Variants in DMD observed in about 807,000 individuals in gnomAD.
DMD encodes the protein mutant dystrophin.
Under a neutral mutation model 330.1 loss-of-function variants are expected in DMD, and 63 were observed. The observed-to-expected ratio is 0.19, with a 90% CI of 0.16 to 0.24. The LOEUF (loss-of-function observed/expected upper bound fraction) is 0.24, where lower values mean the gene tolerates loss of function less well. Ranked by LOEUF, DMD falls within the 10% of genes least tolerant of loss-of-function variation. DMD has a pLI of 1.00. For synonymous variants in DMD, 1,223 were observed against 959.8 expected (o/e 1.27, Z -5.07); for missense variants, 3,344 against 2,684.1 (o/e 1.25, Z -5.43).
At chrX:32,731,075 A>T (rs2067556036) in intron 7 of DMD, among the ~76,000 whole-genome samples, 2 of 111,943 alleles carry the variant, frequency 1.8e-5, no homozygotes, top group Non-Finnish European at 3.8e-5. Flanking sequence ...GACCCGAAGC[A>T]GGGTGAGGCA....
At position 31,507,519 on chromosome X, in the gene DMD, G is replaced by C; in HGVS notation, c.8218-66C>G. 3 of 1,010,222 alleles carry C rather than the reference G, an allele frequency of 3.0e-6. No individual in the cohort carries two copies. In the African/African-American group the frequency reaches 5.6e-5, roughly 19 times the overall value. 83.3% of individuals were successfully genotyped at this position (1,010,222 alleles called of 1,213,427 possible). ...AACAAAAGAAACAAGCGATGAATGT[G>C]AATTTGGAGAATTGCAAAATATAAA... On this transcript the variant is annotated intron_variant, in intron 55 of 78. Coordinates refer to ENST00000357033, the MANE Select transcript of DMD (RefSeq NM_004006.3).
intron 1 of DMD, among the ~76,000 whole-genome samples, chrX:33,125,449 C>A (rs528679879): frequency 9.0e-6 from 1 of 111,544 alleles, no homozygotes; most frequent in East Asian, 2.8e-4. Flanking sequence ...GGCATGTTCA[C>A]CCCTAACTCT....
At chrX:33,178,681 G>A (rs773091180) in intron 1 of DMD, among the ~76,000 whole-genome samples, 3 of 112,313 alleles carry the variant, frequency 2.7e-5, no homozygotes, top group East Asian at 2.8e-4. Flanking sequence ...TAATGCAAAC[G>A]TGTGGAATAG....
intron 76 of DMD, among the ~76,000 whole-genome samples, chrX:31,145,030 A>C (rs1291038741): frequency 8.9e-6 from 1 of 112,282 alleles, no homozygotes; most frequent in African/African-American, 3.2e-5. Flanking sequence ...GAATGAGAAC[A>C]GAACATGTGG....
chrX:31,961,278 C>T (rs1293300445), intron 45 of DMD, among the ~76,000 whole-genome samples: 1 of 112,004 alleles, frequency 8.9e-6, no homozygotes, highest in East Asian at 2.8e-4. Context: ...AATGTGATAA[C>T]ATGATAAAAA....
rs1480574065 is a variant in DMD, at chrX:32,970,852, A to T, written c.93+49287T>A. Among the ~76,000 whole-genome samples, 2 of 94,534 alleles carry T rather than the reference A, an allele frequency of 2.1e-5. 1 individual carries two copies. The highest frequency in any genetic ancestry group is 4.0e-5 in the Non-Finnish European group (2 of 49,507). 82.1% of individuals were successfully genotyped at this position (94,534 alleles called of 115,157 possible). On this transcript the variant is annotated intron_variant, in intron 2 of 78. Transcript: ENST00000357033. Reference sequence around the variant, plus strand: ...TTCATTTAATCTATTTGTTCTAAACAATTGCTAAAATATTTTGGTTACATC... The same window carrying T: ...TTCATTTAATCTATTTGTTCTAAACTATTGCTAAAATATTTTGGTTACATC...
intron 44 of DMD, among the ~76,000 whole-genome samples, chrX:32,046,550 T>C (rs759223198): frequency 3.6e-5 from 4 of 111,922 alleles, no homozygotes; most frequent in Non-Finnish European, 5.6e-5. Context: ...CAGGGGAAAA[T>C]GCTGCTAAAT....
At chrX:32,260,915 G>A (rs1165045512) in intron 43 of DMD, among the ~76,000 whole-genome samples, 1 of 93,329 alleles carries the variant, frequency 1.1e-5, no homozygotes, top group Non-Finnish European at 2.5e-5. Flanking sequence ...GTTGCATAGA[G>A]ATACAAGTGA....
chrX:32,722,407 TA>T (rs952292281), intron 7 of DMD, among the ~76,000 whole-genome samples: 12 of 110,598 alleles, frequency 1.1e-4, no homozygotes, highest in Non-Finnish European at 1.7e-4. Flanking sequence ...TTAAAGTATA[TA>T]GGGGGGTGTG....
At chrX:32,617,575 A>G (rs931703582) in intron 11 of DMD, among the ~76,000 whole-genome samples, 1 of 111,382 alleles carries the variant, frequency 9.0e-6, no homozygotes, top group East Asian at 2.8e-4. Context: ...AAATGGATTA[A>G]AAACTTAAAT....
intron 71 of DMD, among the ~76,000 whole-genome samples, chrX:31,175,904 A>C (rs1370583487): frequency 9.0e-6 from 1 of 111,656 alleles, no homozygotes; most frequent in Admixed American, 9.5e-5. Flanking sequence ...TGTTAGCTTT[A>C]GTTTTAAAGT....
chrX:31,683,615 T>G (rs1439786431), intron 52 of DMD, among the ~76,000 whole-genome samples: 4 of 112,092 alleles, frequency 3.6e-5, no homozygotes, highest in Non-Finnish European at 7.5e-5. Flanking sequence ...GCACATAGAC[T>G]GAGCCCAACA....
chrX:33,124,982 C>T (rs1449086426), intron 1 of DMD, among the ~76,000 whole-genome samples: 1 of 97,005 alleles, frequency 1.0e-5, no homozygotes, highest in Non-Finnish European at 2.0e-5. Context: ...CTAAATCTCG[C>T]CATTGCACTC....
chrX:31,392,612 T>C (rs1366164008), intron 60 of DMD, among the ~76,000 whole-genome samples: 1 of 112,280 alleles, frequency 8.9e-6, no homozygotes, highest in Non-Finnish European at 1.9e-5. Context: ...ACTGTGTCTA[T>C]ATGTGTATGC....
At chrX:32,356,642 GGTTA>G (rs145839936) in intron 37 of DMD, among the ~76,000 whole-genome samples, 47,377 of 108,977 alleles carry the variant, frequency 0.43, 9,184 homozygotes, top group East Asian at 0.72. Flanking sequence ...ACTTTTTTCT[GGTTA>G]GTATCAATTT....
chrX:31,608,962 G>A (rs140668919), intron 55 of DMD, among the ~76,000 whole-genome samples: 144 of 111,919 alleles, frequency 1.3e-3, no homozygotes, highest in African/African-American at 4.2e-3. Context: ...TTTCTTTAAA[G>A]CAGATGATAT....
intron 1 of DMD, among the ~76,000 whole-genome samples, chrX:33,315,048 A>ACCTCAGGTGATCCACCCG (rs2053913966): frequency 9.0e-6 from 1 of 110,510 alleles, no homozygotes; most frequent in East Asian, 2.9e-4. Flanking sequence ...TGAACTCCTG[A>ACCTCAGGTGATCCACCCG]CCTCAGGTGA....
At chrX:31,721,388 C>T (rs73619003) in intron 52 of DMD, among the ~76,000 whole-genome samples, 19,219 of 109,337 alleles carry the variant, frequency 0.18, 1,338 homozygotes, top group East Asian at 0.24. Context: ...TGTGGGTGGG[C>T]CTTCTCCAAT....
chrX:32,398,784 T>C (rs2098064854), intron 30 of DMD, among the ~76,000 whole-genome samples: 1 of 111,403 alleles, frequency 9.0e-6, no homozygotes, highest in Admixed American at 9.6e-5. Flanking sequence ...AATAGCCAAA[T>C]ATATCCTAAG....
Sources: gnomAD v4.1 joint callset for allele counts (sites outside exome capture counted in the v4.1 genomes callset) on GRCh38, gnomAD v4.1.1 for gene constraint, MANE v1.5 for transcripts, NCBI Gene and HGNC (gene_info 2026-07-23, HGNC 2026-07-21) for gene names.